The following MTMR14 variants were observed in gnomAD, a reference collection of about 807,000 sequenced individuals.
MTMR14 encodes the protein phosphatidylinositol-3,5-bisphosphate 3-phosphatase MTMR14.
MTMR14 carries 48 observed loss-of-function variants against 86.3 expected under a neutral mutation model. The observed-to-expected ratio is 0.56, with a 90% CI of 0.44 to 0.71. The LOEUF (loss-of-function observed/expected upper bound fraction) is 0.71, where lower values mean the gene tolerates loss of function less well. MTMR14 is among the 30% of genes least tolerant of loss of function. The pLI, the probability that MTMR14 is intolerant of heterozygous loss-of-function variation, is 0.00. For missense variants in MTMR14, 780 were observed against 834.6 expected (o/e 0.93, Z 0.81); for synonymous variants, 366 against 326.1 (o/e 1.12, Z -1.32).
intron 9 of MTMR14, among the ~76,000 whole-genome samples, chr3:9,682,932 A>ACCCCC: frequency 7.0e-6 from 1 of 143,574 alleles, no homozygotes; most frequent in African/African-American, 2.8e-5. Context: ...ATTGGGTCAG[A>ACCCCC]GCCCCCCCCC....
chr3:9,692,489 A>G (rs1021094995), intron 17 of MTMR14, among the ~76,000 whole-genome samples: 1 of 152,238 alleles, frequency 6.6e-6, no homozygotes, highest in African/African-American at 2.4e-5. Flanking sequence ...CTCATCAGCG[A>G]CAGGGTTGAG....
At chr3:9,693,616 C>T (rs2076200337) in intron 17 of MTMR14, among the ~76,000 whole-genome samples, 1 of 152,148 alleles carries the variant, frequency 6.6e-6, no homozygotes, top group Non-Finnish European at 1.5e-5. Context: ...AGAAGTGGAT[C>T]ATAATAAAGG....
chr3:9,669,542 C>G, intron 5 of MTMR14, 50 bp downstream of exon 5: 1 of 1,585,232 alleles, frequency 6.3e-7, no homozygotes, highest in Non-Finnish European at 8.6e-7. Context: ...GATGGGGTGT[C>G]TGGCCAGAGA....
At chr3:9,698,411 C>T (rs2076349358) in intron 18 of MTMR14, among the ~76,000 whole-genome samples, 1 of 152,268 alleles carries the variant, frequency 6.6e-6, no homozygotes, top group Non-Finnish European at 1.5e-5. Context: ...AGTGTGTCCA[C>T]CTGACTGGAG....
chr3:9,683,796 C>G (rs2075848947), intron 10 of MTMR14: 1 of 156,934 alleles, frequency 6.4e-6, no homozygotes, highest in Admixed American at 6.1e-5. Context: ...CCAAGAAGGC[C>G]CAAGAACAGA....
At chr3:9,693,789 T>G (rs1008681696) in intron 17 of MTMR14, among the ~76,000 whole-genome samples, 1 of 152,162 alleles carries the variant, frequency 6.6e-6, no homozygotes, top group Non-Finnish European at 1.5e-5. Flanking sequence ...ATCCAAGGAC[T>G]TGGTATTGGT....
intron 3 of MTMR14, among the ~76,000 whole-genome samples, chr3:9,667,379 T>G (rs563886073): frequency 6.6e-6 from 1 of 152,328 alleles, no homozygotes; most frequent in South Asian, 2.1e-4. Flanking sequence ...AATGGGTTCA[T>G]CAGTGGACTT....
At chr3:9,691,395 G>C (rs1391347423) in intron 17 of MTMR14, among the ~76,000 whole-genome samples, 1 of 152,238 alleles carries the variant, frequency 6.6e-6, no homozygotes, top group African/African-American at 2.4e-5. Context: ...TCTGTGCCCA[G>C]CTGTCCTCAG....
rs763236480 is a variant in MTMR14 at position 9,669,491 on chromosome 3, C to T, written c.553C>T (p.Arg185Ter). ...EDVTEEDCAL[R>*]SGDTHLFDKV... The stretch of plus-strand genomic sequence containing the variant: ...CGTCACGGAGGAGGACTGTGCTCTT[C>T]GGTCAGTGCTGGGTTGCTGTGGTCA... Residue 185 changes from arginine (R) to a stop codon, truncating the protein, a stop_gained and splice_region_variant, in exon 5 of 19, where the codon CGA becomes TGA. Transcript: ENST00000296003. LOFTEE classifies it high-confidence loss of function. 1.2e-5 allele frequency: 20 copies of T among 1,612,872 alleles called. No individual in the cohort carries two copies. Among genetic ancestry groups the T allele is most frequent in the East Asian group, 2.2e-5 (1 of 44,840 alleles).
chr3:9,683,567 C>A, intron 10 of MTMR14: 1 of 349,454 alleles, frequency 2.9e-6, no homozygotes, highest in Non-Finnish European at 5.5e-6. Context: ...AAAGATGAGG[C>A]ATGAGATGAG....
intron 1 of MTMR14, among the ~76,000 whole-genome samples, chr3:9,651,357 C>T (rs1222922916): frequency 1.3e-5 from 2 of 152,092 alleles, no homozygotes; most frequent in African/African-American, 2.4e-5. Flanking sequence ...CCCACCTCAG[C>T]CCCCCAAAAT....
intron 2 of MTMR14, chr3:9,659,802 A>G (rs375282875): frequency 8.8e-6 from 4 of 456,768 alleles, no homozygotes; most frequent in Non-Finnish European, 4.4e-6. Flanking sequence ...CCGACCTAAC[A>G]AGAAAAGGTG....
intron 13 of MTMR14, 67 bp from the exon 14 acceptor site, chr3:9,687,754 C>T (rs555939519): frequency 2.9e-5 from 40 of 1,401,618 alleles, no homozygotes; most frequent in African/African-American, 1.4e-4. Context: ...AGTGGCTGGC[C>T]GCCCTCCCCT....
intron 2 of MTMR14, 114 bp downstream of exon 2, chr3:9,653,883 C>T: frequency 1.4e-6 from 2 of 1,404,800 alleles, no homozygotes; most frequent in Admixed American, 1.7e-5. Flanking sequence ...GGTGTTAATC[C>T]TTATTGGCAT....
intron 6 of MTMR14, among the ~76,000 whole-genome samples, 186 bp from the exon 7 acceptor site, chr3:9,672,499 G>A (rs926383921): frequency 2.0e-5 from 3 of 152,180 alleles, no homozygotes; most frequent in African/African-American, 7.2e-5. Context: ...ACCTCCAGCC[G>A]ATGCACCCAG....
chr3:9,663,064 G>A (rs1203084249), intron 3 of MTMR14, among the ~76,000 whole-genome samples: 2 of 152,240 alleles, frequency 1.3e-5, no homozygotes, highest in African/African-American at 2.4e-5. Context: ...ACGCTGAGCA[G>A]GGAGGTGGCT....
Position 9,687,871 on chromosome 3 carries a change from C to A in MTMR14, c.1215C>A (p.Phe405Leu). ...TGAAGCATATTACCTCCGAGGAGTT[C>A]TCTGCTCTGAAGACCCAGAGGTAAG... ...NFLKHITSEE[F>L]SALKTQRRKS... is the part of the protein sequence containing the mutation. Residue 405 changes from phenylalanine (F) to leucine (L), a missense_variant, in exon 14 of 19, where the codon TTC (phenylalanine) becomes TTA (leucine). Phe to Leu is a conservative substitution (Grantham distance 22). Transcript: ENST00000296003. 1 of 1,589,138 alleles carries A rather than the reference C, an allele frequency of 6.3e-7. No homozygotes were observed. Among genetic ancestry groups the A allele is most frequent in the Non-Finnish European group, 8.6e-7 (1 of 1,165,426 alleles).
At position 9,701,876 on chromosome 3, in the gene MTMR14, G is replaced by A. The variant is rs765867569; in HGVS notation, c.1856G>A (p.Arg619Gln). 1.1e-5 allele frequency: 18 copies of A among 1,613,906 alleles called. No homozygotes were observed. Among genetic ancestry groups the A allele is most frequent in the East Asian group, 1.1e-4 (5 of 44,902 alleles). ...LAAYSSTVGL[R>Q]AVAPSPSGAI... The stretch of plus-strand genomic sequence containing the variant: ...GCGTACAGCAGCACAGTGGGGCTTC[G>A]GGCAGTAGCCCCCAGTCCTTCCGGT... The change falls in exon 19 of 19, where the codon CGG becomes CAG. Residue 619 changes from arginine (R) to glutamine (Q), a missense_variant. Transcript: ENST00000296003. This position sits in a 1 kb window ranked among gnomAD's most constrained non-coding sequence, Gnocchi z 4.2.
chr3:9,690,191 C>G lies in MTMR14; in HGVS notation c.1613+48C>G, dbSNP rs200543433. ...CTGTTGGAAGTGCCTAGCTTTCCCC[C>G]TTAATAAGACTGGAGGGTCGGGGGC... On this transcript the variant is annotated intron_variant, in intron 17 of 18. Coordinates refer to ENST00000296003, the MANE Select transcript of MTMR14 (RefSeq NM_001077525.3). The G allele has an allele frequency of 1.9e-5, 31 of 1,601,296 alleles. No homozygotes were observed. In the African/African-American group the frequency reaches 2.8e-4, roughly 14 times the overall value.
Sources: allele counts gnomAD v4.1 joint callset (sites outside exome capture counted in the v4.1 genomes callset), GRCh38; gene constraint gnomAD v4.1.1; non-coding constraint Gnocchi (gnomAD v3.1); transcripts MANE v1.5; gene names NCBI Gene and HGNC (gene_info 2026-07-23, HGNC 2026-07-21).